The following LRRC4C variants were observed in gnomAD, a reference collection of about 807,000 sequenced individuals.
LRRC4C encodes the protein leucine-rich repeat-containing protein 4C.
LRRC4C carries 5 observed loss-of-function variants against 33.6 expected under a neutral mutation model. The observed-to-expected ratio is 0.15, with a 90% confidence interval of 0.08 to 0.31. LRRC4C has a LOEUF of 0.31. Ranked by LOEUF, LRRC4C falls within the 10% of genes least tolerant of loss-of-function variation. LRRC4C has a pLI of 1.00. For missense variants in LRRC4C, 560 were observed against 796.7 expected, an observed-to-expected ratio of 0.70 and a Z score of 3.58; for synonymous variants, 329 against 302.0, an observed-to-expected ratio of 1.09 and a Z score of -0.93.
chr11:40,845,239 G>A (rs905479277), intron 2 of LRRC4C, among the ~76,000 whole-genome samples: 1 of 151,980 alleles, frequency 6.6e-6, no homozygotes, highest in Non-Finnish European at 1.5e-5. Context: ...ATGTGCCATG[G>A]TGGTTTGCTG....
intron 1 of LRRC4C, among the ~76,000 whole-genome samples, chr11:41,266,056 A>T (rs1380918238): frequency 3.3e-5 from 5 of 152,092 alleles, no homozygotes; most frequent in Non-Finnish European, 7.4e-5. Context: ...TGTTTTTGGC[A>T]TATAACCTAA....
At chr11:41,410,823 C>G (rs145851906) in intron 1 of LRRC4C, among the ~76,000 whole-genome samples, 29 of 152,122 alleles carry the variant, frequency 1.9e-4, no homozygotes, top group Admixed American at 3.3e-4. Flanking sequence ...TTATCAACCT[C>G]AAAATAAATA....
In LRRC4C at chr11:40,115,274, T is replaced by A; in HGVS notation, c.1019A>T (p.Tyr340Phe). ...GTAATTCTGGTCGAGCTCTCCAATG[T>A]ACCTCCCCTTTAGATTGGGAGGAGT... ...CNTPPNLKGR[Y>F]IGELDQNYFT... The change falls in exon 7 of 7, where the codon TAC becomes TTC. Residue 340 changes from tyrosine to phenylalanine, a missense_variant. Physicochemically the swap from Tyr to Phe is conservative, Grantham distance 22 (BLOSUM62 3). This residue lies in a region of LRRC4C where 455 missense variants were observed against 643.8 expected (regional missense o/e 0.71). Transcript: ENST00000528697. The surrounding 1 kb of genome is among the most constrained non-coding windows in gnomAD (Gnocchi z 6.7). 1 of 1,614,132 alleles carries A rather than the reference T, an allele frequency of 6.2e-7. No homozygotes were observed. Among genetic ancestry groups the A allele is most frequent in the Non-Finnish European group, 8.5e-7 (1 of 1,180,016 alleles).
intron 1 of LRRC4C, among the ~76,000 whole-genome samples, chr11:41,234,074 C>A (rs535649435): frequency 2.0e-5 from 3 of 151,862 alleles, no homozygotes; most frequent in East Asian, 1.9e-4. Flanking sequence ...TCCCCAGATA[C>A]CTCTACTATA....
chr11:41,003,363 T>C (rs905556783), intron 1 of LRRC4C, among the ~76,000 whole-genome samples: 1 of 152,144 alleles, frequency 6.6e-6, no homozygotes, highest in Non-Finnish European at 1.5e-5. Context: ...ATGACTATAA[T>C]TCAAATAACA....
chr11:40,781,824 C>A (rs1168821092), intron 2 of LRRC4C, among the ~76,000 whole-genome samples: 1 of 152,046 alleles, frequency 6.6e-6, no homozygotes, highest in South Asian at 2.1e-4. Flanking sequence ...CCTAAAAGCA[C>A]CAAAATGCAG....
intron 2 of LRRC4C, among the ~76,000 whole-genome samples, chr11:40,854,057 T>C (rs1953647284): frequency 6.6e-6 from 1 of 152,190 alleles, no homozygotes; most frequent in Non-Finnish European, 1.5e-5. Flanking sequence ...CCAGTAGGCG[T>C]CACAGAAAAA....
chr11:40,401,937 A>G (rs1189447239), intron 3 of LRRC4C, among the ~76,000 whole-genome samples: 1 of 152,112 alleles, frequency 6.6e-6, no homozygotes, highest in Non-Finnish European at 1.5e-5. Flanking sequence ...TCTCTGAAAT[A>G]AATAGCTATA....
At chr11:41,300,522 C>T (rs1304872225) in intron 1 of LRRC4C, among the ~76,000 whole-genome samples, 4 of 152,162 alleles carry the variant, frequency 2.6e-5, no homozygotes, top group Non-Finnish European at 4.4e-5. Context: ...AACGTCCTCT[C>T]TTCAATGATG....
chr11:40,466,469 T>G (rs1952657448), intron 3 of LRRC4C, among the ~76,000 whole-genome samples: 1 of 151,974 alleles, frequency 6.6e-6, no homozygotes, highest in Non-Finnish European at 1.5e-5. Context: ...GAAAATACTA[T>G]GCTTGGAAAA....
At chr11:40,387,948 A>G (rs1020520353) in intron 3 of LRRC4C, among the ~76,000 whole-genome samples, 12 of 151,830 alleles carry the variant, frequency 7.9e-5, no homozygotes, top group Non-Finnish European at 1.5e-4. Flanking sequence ...ATCTTATTTT[A>G]CCTCCTGTGC....
intron 6 of LRRC4C, among the ~76,000 whole-genome samples, chr11:40,132,338 G>T (rs1275666159): frequency 6.6e-6 from 1 of 152,254 alleles, no homozygotes; most frequent in East Asian, 1.9e-4. Flanking sequence ...GGTCTTGGGA[G>T]GTAGTCTACC....
intron 1 of LRRC4C, among the ~76,000 whole-genome samples, chr11:40,987,211 C>T (rs1173695086): frequency 3.9e-5 from 6 of 152,130 alleles, no homozygotes; most frequent in Non-Finnish European, 7.4e-5. Flanking sequence ...AAAACCACTG[C>T]CCTTGACCAT....
At chr11:41,067,643 CA>C (rs1938352911) in intron 1 of LRRC4C, among the ~76,000 whole-genome samples, 1 of 152,296 alleles carries the variant, frequency 6.6e-6, no homozygotes, top group African/African-American at 2.4e-5. Flanking sequence ...ACTTATTCTA[CA>C]ACTGACCACA....
intron 1 of LRRC4C, among the ~76,000 whole-genome samples, chr11:41,059,711 G>T (rs1858925852): frequency 6.6e-6 from 1 of 152,066 alleles, no homozygotes. Flanking sequence ...TAGTCCTTAG[G>T]TAGGCAGCAG....
intron 1 of LRRC4C, among the ~76,000 whole-genome samples, chr11:41,057,558 C>G (rs1045656920): frequency 2.6e-5 from 4 of 152,216 alleles, no homozygotes; most frequent in Non-Finnish European, 5.9e-5. Flanking sequence ...CTTGAGGTGC[C>G]TTTTCTGGGC....
intron 3 of LRRC4C, among the ~76,000 whole-genome samples, chr11:40,533,726 C>G (rs954154693): frequency 1.2e-4 from 18 of 152,076 alleles, no homozygotes; most frequent in African/African-American, 3.9e-4. Context: ...GGACACAGGA[C>G]AGGATACTCT....
At chr11:40,665,810 C>T (rs1354772702) in intron 2 of LRRC4C, among the ~76,000 whole-genome samples, 3 of 151,960 alleles carry the variant, frequency 2.0e-5, no homozygotes, top group Non-Finnish European at 4.4e-5. Flanking sequence ...ATAACTGCCC[C>T]TTATTAGATT....
At chr11:40,653,622 T>C (rs1942935473) in intron 2 of LRRC4C, among the ~76,000 whole-genome samples, 1 of 152,200 alleles carries the variant, frequency 6.6e-6, no homozygotes, top group African/African-American at 2.4e-5. Flanking sequence ...GAAACTTATG[T>C]TTAAAAAGAA....
Sources: allele counts gnomAD v4.1 joint callset (sites outside exome capture counted in the v4.1 genomes callset), GRCh38; gene constraint gnomAD v4.1.1; regional missense constraint gnomAD v4.1.1; non-coding constraint Gnocchi (gnomAD v3.1); transcripts MANE v1.5; gene names NCBI Gene and HGNC (gene_info 2026-07-23, HGNC 2026-07-21).